The following RGCC variants were observed in gnomAD, a reference collection of about 807,000 sequenced individuals.
RGCC encodes the protein regulator of cell cycle RGCC.
A neutral mutation model predicts 15.4 loss-of-function variants in RGCC; 15 were observed. The observed-to-expected ratio is 0.97, with a 90% CI of 0.65 to 1.50. The LOEUF (loss-of-function observed/expected upper bound fraction) is 1.50, where lower values mean the gene tolerates loss of function less well. Ranked by LOEUF, RGCC falls within the 40% of genes most tolerant of loss-of-function variation. The pLI is 0.00. For missense variants in RGCC, 176 were observed against 189.7 expected, an observed-to-expected ratio of 0.93 and a Z score of 0.42; for synonymous variants, 81 against 78.0, an observed-to-expected ratio of 1.04 and a Z score of -0.20.
At chr13:41,461,998 G>A (rs989561073) in intron 2 of RGCC, among the ~76,000 whole-genome samples, 8 of 152,204 alleles carry the variant, frequency 5.3e-5, no homozygotes, top group African/African-American at 1.9e-4. Context: ...GGACAACAGT[G>A]GAGAAGTTGA....
chr13:41,465,241 C>T (rs1441535534), intron 2 of RGCC, among the ~76,000 whole-genome samples: 2 of 152,164 alleles, frequency 1.3e-5, no homozygotes, highest in Admixed American at 6.5e-5. Flanking sequence ...CCCTCTCACA[C>T]CTGAAGAGCC....
In RGCC at chr13:41,464,409, C is replaced by G. The variant is rs1185820641; in HGVS notation, c.236-2414C>G. 2.6e-5 allele frequency among the ~76,000 whole-genome samples: 4 copies of G among 152,240 alleles called. No individual in the cohort carries two copies. In the South Asian group the frequency reaches 8.3e-4, roughly 32 times the overall value. ...GGTCTGCAGTGGGTGTGGCCAGCTT[C>G]CTGTGTGTAGGGGAAAGGGCTTCCC... On this transcript the variant is annotated intron_variant, in intron 2 of 4. Coordinates refer to ENST00000379359, the MANE Select transcript of RGCC (RefSeq NM_014059.3).
chr13:41,469,285 A>G (rs1000438910), intron 4 of RGCC, among the ~76,000 whole-genome samples: 8 of 113,550 alleles, frequency 7.0e-5, no homozygotes, highest in African/African-American at 2.6e-4. Context: ...AATAATAATA[A>G]TAATAATAAT....
intron 4 of RGCC, among the ~76,000 whole-genome samples, chr13:41,469,292 T>G (rs61964006): frequency 0.048 from 3,931 of 81,722 alleles, 86 homozygotes; most frequent in East Asian, 0.18. Context: ...ATAATAATAA[T>G]AATAAGAAGA....
At chr13:41,470,021 G>A (rs542485309) in intron 4 of RGCC, among the ~76,000 whole-genome samples, 2 of 152,276 alleles carry the variant, frequency 1.3e-5, no homozygotes, top group Admixed American at 6.5e-5. Flanking sequence ...GATTTTCTGT[G>A]AGAAGTATTT....
chr13:41,467,281 C>T (rs2043853792), intron 3 of RGCC, among the ~76,000 whole-genome samples: 1 of 152,224 alleles, frequency 6.6e-6, no homozygotes, highest in Non-Finnish European at 1.5e-5. Context: ...ATTTAAAACT[C>T]AGCAGTTTGC....
intron 4 of RGCC, among the ~76,000 whole-genome samples, chr13:41,470,231 C>T (rs999014021): frequency 6.6e-6 from 1 of 152,112 alleles, no homozygotes; most frequent in African/African-American, 2.4e-5. Context: ...ATCAGAAGAC[C>T]AGGGCTTGTT....
In RGCC at chr13:41,466,844, A is replaced by C; in HGVS notation, c.257A>C (p.Asn86Thr). ...AAAGGTGCAGATTCACTTTATAGGA[A>C]CAGCTTCAGCTTCAGTGATGAAAAA... is the stretch of plus-strand genomic sequence containing the variant. ...DSESADSLYR[N>T]SFSFSDEKLN... is the part of the protein sequence containing the mutation. The change falls in exon 3 of 5, where the codon AAC (asparagine) becomes ACC (threonine). Residue 86 changes from asparagine (N) to threonine (T), a missense_variant. Coordinates refer to ENST00000379359, the MANE Select transcript of RGCC (RefSeq NM_014059.3). 1.2e-6 allele frequency: 2 copies of C among 1,613,666 alleles called. No homozygotes were observed. The highest frequency in any genetic ancestry group is 1.7e-6 in the Non-Finnish European group (2 of 1,179,544).
Position 41,458,322 on chromosome 13 carries a change from G to A in RGCC, c.87G>A (p.Ser29=). Residue 29 remains serine, a synonymous_variant, in exon 2 of 5, where the codon TCG becomes TCA. Transcript: ENST00000379359. The surrounding 1 kb of genome is among the most constrained non-coding windows in gnomAD (Gnocchi z 4.4). ...ACTCGGCGGCCGCGGAGGACCTGTC[G>A]GACGCGCTGTGCGAGTTTGACGCGG... ...ALDSAAAEDL[S]DALCEFDAVL... 1 of 1,585,064 alleles carries A rather than the reference G, an allele frequency of 6.3e-7. No homozygotes were observed. The highest frequency in any genetic ancestry group is 8.5e-7 in the Non-Finnish European group (1 of 1,172,522).
At position 41,458,589 on chromosome 13, in the gene RGCC, A is replaced by C; in HGVS notation, c.235+119A>C. On this transcript the variant is annotated intron_variant, in intron 2 of 4. Coordinates refer to ENST00000379359, the MANE Select transcript of RGCC (RefSeq NM_014059.3). The surrounding 1 kb of genome is among the most constrained non-coding windows in gnomAD (Gnocchi z 4.4). ...CTGAGGAATGGTTTCCTGAAGCTCA[A>C]CGCAGTAGGCCGAGTGGTGGCGGGG... The C allele has an allele frequency of 8.8e-7, 1 of 1,133,392 alleles. No homozygotes were observed. Among genetic ancestry groups the C allele is most frequent in the Non-Finnish European group, 1.2e-6 (1 of 819,290 alleles). The allele number at this position is 1,133,392 out of a possible 1,614,324, so 70.2% of individuals were successfully genotyped here.
At chr13:41,464,853 T>C (rs982423525) in intron 2 of RGCC, among the ~76,000 whole-genome samples, 1 of 152,026 alleles carries the variant, frequency 6.6e-6, no homozygotes, top group African/African-American at 2.4e-5. Context: ...AAGCAAAGAT[T>C]GTGAGGGTTG....
intron 2 of RGCC, 34 bp from the exon 3 acceptor site, chr13:41,466,789 C>T (rs1282188892): frequency 7.3e-7 from 1 of 1,369,896 alleles, no homozygotes. Context: ...CTCATGAGTA[C>T]TATTTCTAAT....
chr13:41,467,928 G>A (rs772455952), intron 3 of RGCC, among the ~76,000 whole-genome samples: 55 of 152,142 alleles, frequency 3.6e-4, no homozygotes, highest in Non-Finnish European at 7.5e-4. Flanking sequence ...GACTTAAAAG[G>A]CTAAGAACAA....
rs924484190 is a variant in RGCC at position 41,457,753 on chromosome 13, G to T, written c.46G>T (p.Ala16Ser). ...AQGSPAAAAA[A>S]APALDSAAAE... The stretch of plus-strand genomic sequence containing the variant: ...GGGCAGCCCCGCGGCCGCCGCGGCC[G>T]CAGGTGAGTGCGGGGTCCGGGGTCC... Residue 16 changes from alanine (A) to serine (S), a missense_variant, in exon 1 of 5, where the codon GCA (alanine) becomes TCA (serine). Transcript: ENST00000379359. The surrounding 1 kb of genome is among the most constrained non-coding windows in gnomAD (Gnocchi z 4.9). 1.4e-6 allele frequency: 2 copies of T among 1,392,772 alleles called. No homozygotes were observed. Among genetic ancestry groups the T allele is most frequent in the Non-Finnish European group, 9.3e-7 (1 of 1,078,032 alleles). The allele number at this position is 1,392,772 out of a possible 1,614,324, so 86.3% of individuals were successfully genotyped here.
chr13:41,466,187 AC>A (rs1052769646), intron 2 of RGCC, among the ~76,000 whole-genome samples: 1 of 46,706 alleles, frequency 2.1e-5, no homozygotes, highest in East Asian at 4.9e-4. Context: ...TCTCACACAC[AC>A]ACTCACACAC....
In RGCC at chr13:41,466,814, T is replaced by C; in HGVS notation, c.236-9T>C. On this transcript the variant is annotated splice_polypyrimidine_tract_variant and intron_variant, in intron 2 of 4. Transcript: ENST00000379359. ...CTATTTCTAATGAGTATATTTTCCTTCCTGAAAGGTGCAGATTCACTTTAT... is the reference window on the plus strand; with the variant it reads ...CTATTTCTAATGAGTATATTTTCCTCCCTGAAAGGTGCAGATTCACTTTAT... 1 of 1,593,318 alleles carries C rather than the reference T, an allele frequency of 6.3e-7. No homozygotes were observed. Among genetic ancestry groups the C allele is most frequent in the Non-Finnish European group, 8.6e-7 (1 of 1,161,308 alleles).
In RGCC at chr13:41,458,007, G is replaced by C. The variant is rs1346205696; in HGVS notation, c.49+251G>C. 1.3e-5 allele frequency among the ~76,000 whole-genome samples: 2 copies of C among 152,170 alleles called. No homozygotes were observed. The highest frequency in any genetic ancestry group is 2.9e-5 in the Non-Finnish European group (2 of 68,022). On this transcript the variant is annotated intron_variant, in intron 1 of 4. Coordinates refer to ENST00000379359, the MANE Select transcript of RGCC (RefSeq NM_014059.3). This position sits in a 1 kb window ranked among gnomAD's most constrained non-coding sequence, Gnocchi z 4.4. ...GGGGGAGCGGCGGGGACAGGTAACC[G>C]GCAGCGCCTGGGGAGGAATCTGGCC...
chr13:41,466,195 ACACACT>A (rs564910949), intron 2 of RGCC, among the ~76,000 whole-genome samples: 7,447 of 144,020 alleles, frequency 0.052, 251 homozygotes, highest in Non-Finnish European at 0.077. Flanking sequence ...ACACACTCAC[ACACACT>A]CATACACTCA....
At chr13:41,463,868 T>A (rs1324191867) in intron 2 of RGCC, among the ~76,000 whole-genome samples, 1 of 152,190 alleles carries the variant, frequency 6.6e-6, no homozygotes, top group South Asian at 2.1e-4. Flanking sequence ...CCTTTCCATA[T>A]CTAGATTGTT....
Sources: gnomAD v4.1 joint callset for allele counts (sites outside exome capture counted in the v4.1 genomes callset) on GRCh38, gnomAD v4.1.1 for gene constraint, Gnocchi (gnomAD v3.1) non-coding constraint, MANE v1.5 for transcripts, NCBI Gene and HGNC (gene_info 2026-07-23, HGNC 2026-07-21) for gene names.